RASA2: variants seen among roughly 807,000 people sequenced by gnomAD.
The protein encoded by RASA2 is RAS p21 protein activator 2.
In RASA2, 155 loss-of-function variants were observed where a neutral mutation model predicts 118.2. The observed-to-expected ratio is 1.31, with a 90% confidence interval of 1.15 to 1.50. The LOEUF is 1.50. Ranked by LOEUF, RASA2 falls within the 40% of genes most tolerant of loss-of-function variation. The pLI is 0.00. For missense variants in RASA2, 1,016 were observed against 1,009.6 expected (o/e 1.01, Z -0.09); for synonymous variants, 353 against 349.1 (o/e 1.01, Z -0.12).
At chr3:141,586,827 C>G (rs1245489359) in intron 19 of RASA2, 75 bp downstream of exon 19, 1 of 1,131,776 alleles carries the variant, frequency 8.8e-7, no homozygotes, top group Non-Finnish European at 1.3e-6. Flanking sequence ...TATTGTGACT[C>G]TAGTGAATCC....
chr3:141,601,743 A>G (rs58025624), intron 19 of RASA2, among the ~76,000 whole-genome samples: 19,693 of 151,992 alleles, frequency 0.13, 1,832 homozygotes, highest in East Asian at 0.24. Flanking sequence ...TTTTTCACCA[A>G]ATTTGGGACT....
At chr3:141,521,354 T>C (rs1255623866) in intron 3 of RASA2, among the ~76,000 whole-genome samples, 1 of 152,190 alleles carries the variant, frequency 6.6e-6, no homozygotes, top group African/African-American at 2.4e-5. Flanking sequence ...GGAAACCTTT[T>C]AATGTCAGCA....
At chr3:141,515,257 A>G (rs2082005925) in intron 2 of RASA2, among the ~76,000 whole-genome samples, 1 of 152,250 alleles carries the variant, frequency 6.6e-6, no homozygotes, top group Non-Finnish European at 1.5e-5. Flanking sequence ...TTAATTTAAA[A>G]AAAAATTTTG....
At position 141,497,821 on chromosome 3, in the gene RASA2, G is replaced by A. The variant is rs374239170; in HGVS notation, c.133+10605G>A. On this transcript the variant is annotated intron_variant, in intron 1 of 23. Transcript: ENST00000286364. Reference sequence around the variant, plus strand: ...CAGGAGGTTGAGGCTGCGGTGAGCTGAGGTCGCACCACTGCACTCCAGCCT... The same window carrying A: ...CAGGAGGTTGAGGCTGCGGTGAGCTAAGGTCGCACCACTGCACTCCAGCCT... Among the ~76,000 whole-genome samples the A allele has an allele frequency of 1.5e-4, 23 of 151,346 alleles. 2 individuals are homozygous for A. The highest frequency in any genetic ancestry group is 5.3e-4 in the African/African-American group (22 of 41,208).
chr3:141,604,639 C>T (rs1437085438), intron 19 of RASA2, among the ~76,000 whole-genome samples: 2 of 151,846 alleles, frequency 1.3e-5, no homozygotes, highest in Non-Finnish European at 2.9e-5. Flanking sequence ...TTTTGTATAA[C>T]ACATCTTTTT....
At chr3:141,498,957 A>G (rs1194953521) in intron 1 of RASA2, among the ~76,000 whole-genome samples, 1 of 152,172 alleles carries the variant, frequency 6.6e-6, no homozygotes, top group East Asian at 1.9e-4. Context: ...ATCAGCACAC[A>G]TTCAAAACTG....
chr3:141,562,489 A>G (rs1337278709), intron 9 of RASA2, among the ~76,000 whole-genome samples: 5 of 150,066 alleles, frequency 3.3e-5, no homozygotes, highest in African/African-American at 9.7e-5. Flanking sequence ...TGGGCTTGGT[A>G]GTGGGCAACT....
rs1399748977 is a variant in RASA2 at position 141,613,349 on chromosome 3, G to A, written c.*1036G>A. 1 of 152,172 alleles carries A rather than the reference G, an allele frequency of 6.6e-6. No individual in the cohort carries two copies. The highest frequency in any genetic ancestry group is 1.9e-4 in the East Asian group (1 of 5,204). The allele number at this position is 152,172 out of a possible 1,614,324, so 9.4% of individuals were successfully genotyped here. A position where few individuals can be genotyped will look rare whatever the true frequency, so the allele number is the denominator to read the frequency against. On this transcript the variant is annotated 3_prime_UTR_variant, in exon 24 of 24. Coordinates refer to ENST00000286364, the MANE Select transcript of RASA2 (RefSeq NM_006506.5). ...TTAAGTCTAAAAATAATGCTTTCCT[G>A]AAAATGTTTATATTTCATTGCTGTT... is the stretch of plus-strand genomic sequence containing the variant.
Position 141,586,646 on chromosome 3 carries a change from T to G in RASA2, c.1827T>G (p.Gly609=), listed in dbSNP as rs1560052474. ...GTSEPVHLKE[G]EMYKRAQGRT... ...ATGTTTACATCTGTTATGTTGGCAG[T>G]GAGATGTATAAAAGAGCTCAAGGAA... The change falls in exon 19 of 24, where the codon GGT becomes GGG. Residue 609 remains glycine, a splice_region_variant and synonymous_variant. Coordinates refer to ENST00000286364, the MANE Select transcript of RASA2 (RefSeq NM_006506.5). 1.9e-5 allele frequency: 30 copies of G among 1,589,088 alleles called. No homozygotes were observed. The highest frequency in any genetic ancestry group is 3.3e-5 in the South Asian group (3 of 89,942).
At chr3:141,547,419 T>A (rs1460236200) in intron 5 of RASA2, among the ~76,000 whole-genome samples, 3 of 152,164 alleles carry the variant, frequency 2.0e-5, no homozygotes, top group Non-Finnish European at 4.4e-5. Flanking sequence ...CTTTCACTTC[T>A]GTGGTTAATT....
At chr3:141,594,975 G>A (rs1300836900) in intron 19 of RASA2, among the ~76,000 whole-genome samples, 2 of 152,020 alleles carry the variant, frequency 1.3e-5, no homozygotes, top group African/African-American at 2.4e-5. Context: ...ATATATGACA[G>A]TAACAGCACA....
intron 3 of RASA2, among the ~76,000 whole-genome samples, chr3:141,517,141 A>G (rs1272554873): frequency 1.3e-5 from 2 of 152,216 alleles, no homozygotes; most frequent in Non-Finnish European, 2.9e-5. Context: ...TAGTGGTTCA[A>G]ATAATGTTTT....
chr3:141,491,447 A>G (rs535103142), intron 1 of RASA2, among the ~76,000 whole-genome samples: 2 of 152,310 alleles, frequency 1.3e-5, no homozygotes, highest in African/African-American at 4.8e-5. Context: ...GAGCTCTTTC[A>G]AGATAGAATT....
At position 141,596,917 on chromosome 3, in the gene RASA2, A is replaced by G. The variant is rs369756420; in HGVS notation, c.1933+10165A>G. 7.2e-5 allele frequency among the ~76,000 whole-genome samples: 11 copies of G among 152,338 alleles called. No individual in the cohort carries two copies. In the East Asian group the frequency reaches 1.7e-3, roughly 24 times the overall value. The stretch of plus-strand genomic sequence containing the variant: ...AGAAAGTTAAACATAAAACTACTAT[A>G]CATGTAACCTAGCAATTCCACTGTT... On this transcript the variant is annotated intron_variant, in intron 19 of 23. Transcript: ENST00000286364.
intron 1 of RASA2, among the ~76,000 whole-genome samples, chr3:141,495,754 T>A (rs1016996170): frequency 3.9e-5 from 6 of 152,240 alleles, no homozygotes; most frequent in Non-Finnish European, 8.8e-5. Context: ...AAGAGGCATA[T>A]ACAAAGATAT....
At chr3:141,517,658 T>A (rs2082047654) in intron 3 of RASA2, among the ~76,000 whole-genome samples, 1 of 152,038 alleles carries the variant, frequency 6.6e-6, no homozygotes, top group South Asian at 2.1e-4. Context: ...ATAAATATAT[T>A]TCTCTTTTTT....
intron 4 of RASA2, among the ~76,000 whole-genome samples, chr3:141,535,661 G>A (rs2082316604): frequency 6.6e-6 from 1 of 152,174 alleles, no homozygotes; most frequent in Non-Finnish European, 1.5e-5. Flanking sequence ...TACAATCATG[G>A]TGGAAGGTAA....
chr3:141,590,058 A>G (rs572256436), intron 19 of RASA2: 376 of 451,832 alleles, frequency 8.3e-4, no homozygotes, highest in Non-Finnish European at 1.3e-3. Context: ...TTAAGCTTCC[A>G]TGCTTTTTGT....
chr3:141,515,577 T>G (rs1257225816), intron 2 of RASA2, among the ~76,000 whole-genome samples: 1 of 152,150 alleles, frequency 6.6e-6, no homozygotes, highest in Non-Finnish European at 1.5e-5. Context: ...CAATGGCATT[T>G]TAGTCCATAA....
Sources: gnomAD v4.1 joint callset for allele counts (sites outside exome capture counted in the v4.1 genomes callset) on GRCh38, gnomAD v4.1.1 for gene constraint, MANE v1.5 for transcripts, NCBI Gene and HGNC (gene_info 2026-07-23, HGNC 2026-07-21) for gene names.